KCNQ1: variants seen among roughly 807,000 people sequenced by gnomAD.
KCNQ1 encodes potassium voltage-gated channel subfamily Q member 1.
In KCNQ1, 49 loss-of-function variants were observed where a neutral mutation model predicts 72.4. That is an observed-to-expected ratio of 0.68 (90% confidence interval 0.54 to 0.86). The LOEUF (loss-of-function observed/expected upper bound fraction) is 0.86. Ranked by LOEUF, KCNQ1 falls within the 40% of genes least tolerant of loss-of-function variation. KCNQ1 has a pLI of 0.00. For missense variants in KCNQ1, 790 were observed against 945.1 expected (o/e 0.84, Z 2.15); for synonymous variants, 450 against 412.6 (o/e 1.09, Z -1.10).
At chr11:2,672,676 T>G (rs1850207887) in intron 11 of KCNQ1, 1 of 398,630 alleles carries the variant, frequency 2.5e-6, no homozygotes, top group Non-Finnish European at 4.4e-6. Flanking sequence ...CCTTGCCCAG[T>G]GGACACAGCC....
rs1269747208 is a variant in KCNQ1, at chr11:2,711,027, C to T, written c.1514+48946C>T. ...TTCTGCAAAGAAACCATCTGGGATA[C>T]CAATAGGGATTGCATTGAATCTGTA... On this transcript the variant is annotated intron_variant, in intron 11 of 15. Coordinates refer to ENST00000155840, the MANE Select transcript of KCNQ1 (RefSeq NM_000218.3). The surrounding 1 kb of genome is among the most constrained non-coding windows in gnomAD (Gnocchi z 5.4). 6.6e-6 allele frequency among the ~76,000 whole-genome samples: 1 copy of T among 152,166 alleles called. No homozygotes were observed. Among genetic ancestry groups the T allele is most frequent in the Admixed American group, 6.5e-5 (1 of 15,276 alleles).
At chr11:2,696,549 T>C (rs1481156180) in intron 11 of KCNQ1, 1 of 398,536 alleles carries the variant, frequency 2.5e-6, no homozygotes, top group African/African-American at 2.1e-5. Flanking sequence ...TTTACAAATA[T>C]TTTTCTTCCA....
At chr11:2,594,363 G>T (rs148630139) in intron 10 of KCNQ1, among the ~76,000 whole-genome samples, 475 of 152,206 alleles carry the variant, frequency 3.1e-3, no homozygotes, top group African/African-American at 0.011. Flanking sequence ...TGACTTTAGT[G>T]TTCAGAGGTT....
intron 10 of KCNQ1, chr11:2,656,343 GCA>G: frequency 2.5e-6 from 1 of 398,600 alleles, no homozygotes; most frequent in East Asian, 3.6e-5. Context: ...CTCCAAATCT[GCA>G]CATTCTTCAA....
At chr11:2,699,833 G>A in intron 11 of KCNQ1, 4 of 398,090 alleles carry the variant, frequency 1.0e-5, no homozygotes, top group Non-Finnish European at 8.9e-6. Context: ...ACGCACCGAG[G>A]AGGACCGCGC....
rs1850125057 is a variant in KCNQ1, at chr11:2,668,584, T to C, written c.1514+6503T>C. ...CTTTCCATGTTATCATTTAGTCAGA[T>C]ACATCATTCTGTATAAATTGCCTAC... On this transcript the variant is annotated intron_variant, in intron 11 of 15. Coordinates refer to ENST00000155840, the MANE Select transcript of KCNQ1 (RefSeq NM_000218.3). This position sits in a 1 kb window ranked among gnomAD's most constrained non-coding sequence, Gnocchi z 4.3. The C allele has an allele frequency of 2.5e-6, 1 of 398,516 alleles. No homozygotes were observed. Among genetic ancestry groups the C allele is most frequent in the Admixed American group, 4.4e-5 (1 of 22,720 alleles). 24.7% of individuals were successfully genotyped at this position (398,516 alleles called of 1,614,324 possible). A position where few individuals can be genotyped will look rare whatever the true frequency, so the allele number is the denominator to read the frequency against.
At chr11:2,577,419 C>A (rs901871945) in intron 6 of KCNQ1, among the ~76,000 whole-genome samples, 1 of 152,206 alleles carries the variant, frequency 6.6e-6, no homozygotes, top group South Asian at 2.1e-4. Flanking sequence ...CCTGGGCCAC[C>A]TTCCGGCAGG....
In KCNQ1 at chr11:2,728,101, A is replaced by T. The variant is rs1845796664; in HGVS notation, c.1515-40743A>T. Among the ~76,000 whole-genome samples the T allele has an allele frequency of 2.0e-5, 3 of 151,954 alleles. No homozygotes were observed. The South Asian group carries it at 6.2e-4, about 32-fold the overall frequency. On this transcript the variant is annotated intron_variant, in intron 11 of 15. Transcript: ENST00000155840. ...CTCCTCGTCCTTCAGCTCCTTCCAG[A>T]GTGTTCTTGCCCAGGGCCTTTGCAC...
intron 10 of KCNQ1, chr11:2,640,878 C>A (rs112403204): frequency 2.5e-6 from 1 of 399,542 alleles, no homozygotes; most frequent in Non-Finnish European, 4.4e-6. Flanking sequence ...CTCTCTACCT[C>A]CATGAGATCA....
intron 12 of KCNQ1, among the ~76,000 whole-genome samples, chr11:2,775,619 G>A (rs546801366): frequency 6.6e-6 from 1 of 152,312 alleles, no homozygotes; most frequent in Non-Finnish European, 1.5e-5. Context: ...CCCTTGGGGG[G>A]GCCAGCTCTT....
At chr11:2,718,128 T>C (rs1336750889) in intron 11 of KCNQ1, among the ~76,000 whole-genome samples, 1 of 152,208 alleles carries the variant, frequency 6.6e-6, no homozygotes, top group Non-Finnish European at 1.5e-5. Context: ...CTTAAACACT[T>C]TGAGGCCCTC....
chr11:2,677,145 C>T lies in KCNQ1; in HGVS notation c.1514+15064C>T, dbSNP rs959015369. ...CTGAAACATCCCTCCCTATTGAACA[C>T]TGTTGTTTCTCCCTATCCATCTTAT... On this transcript the variant is annotated intron_variant, in intron 11 of 15. Coordinates refer to ENST00000155840, the MANE Select transcript of KCNQ1 (RefSeq NM_000218.3). The surrounding 1 kb of genome is among the most constrained non-coding windows in gnomAD (Gnocchi z 4.5). 3 of 398,590 alleles carry T rather than the reference C, an allele frequency of 7.5e-6. No homozygotes were observed. Among genetic ancestry groups the T allele is most frequent in the Admixed American group, 4.4e-5 (1 of 22,734 alleles). The allele number at this position is 398,590 out of a possible 1,614,324, so 24.7% of individuals were successfully genotyped here.
intron 10 of KCNQ1, chr11:2,649,616 T>C (rs1335951552): frequency 2.5e-6 from 1 of 398,492 alleles, no homozygotes; most frequent in East Asian, 3.6e-5. Context: ...TGCAGCACTT[T>C]TAATATGGCA....
chr11:2,814,563 A>G (rs1235568368), intron 15 of KCNQ1, among the ~76,000 whole-genome samples: 1 of 149,494 alleles, frequency 6.7e-6, no homozygotes, highest in Non-Finnish European at 1.5e-5. Flanking sequence ...AATGATGGAT[A>G]GGTGGATGGG....
chr11:2,622,115 T>G (rs1273044187), intron 10 of KCNQ1: 3 of 398,256 alleles, frequency 7.5e-6, no homozygotes, highest in African/African-American at 6.2e-5. Flanking sequence ...CTGTTTTCAT[T>G]TCTTCTTTGA....
At chr11:2,776,123 C>G in intron 13 of KCNQ1, 69 bp downstream of exon 13, 2 of 1,339,848 alleles carry the variant, frequency 1.5e-6, no homozygotes, top group Non-Finnish European at 2.1e-6. Context: ...GCTGCATGAT[C>G]AGCGGTGCCG....
chr11:2,455,377 T>G lies in KCNQ1; in HGVS notation c.386+9893T>G, dbSNP rs948349827. On this transcript the variant is annotated intron_variant, in intron 1 of 15. Coordinates refer to ENST00000155840, the MANE Select transcript of KCNQ1 (RefSeq NM_000218.3). ...CCTCCCAAAGTGCTGGGATTCAGGCTTGAGCCACCGTGCCTGGCCAATCAG... is the reference window on the plus strand; with the variant it reads ...CCTCCCAAAGTGCTGGGATTCAGGCGTGAGCCACCGTGCCTGGCCAATCAG... Among the ~76,000 whole-genome samples, 31 of 152,332 alleles carry G rather than the reference T, an allele frequency of 2.0e-4. No homozygotes were observed. In the East Asian group the frequency reaches 3.9e-3, roughly 19 times the overall value.
chr11:2,842,625 C>CAGTCTCCCACACTCATACAGTGCA (rs1385692235), intron 15 of KCNQ1, among the ~76,000 whole-genome samples: 86 of 152,208 alleles, frequency 5.7e-4, no homozygotes, highest in Admixed American at 6.5e-4. Flanking sequence ...CTTGCACGCA[C>CAGTCTCCCACACTCATACAGTGCA]AGTCTCCCAC....
intron 1 of KCNQ1, among the ~76,000 whole-genome samples, chr11:2,523,823 T>C (rs1193141930): frequency 7.2e-6 from 1 of 139,664 alleles, no homozygotes; most frequent in Non-Finnish European, 1.5e-5. Context: ...TCAGCAGACC[T>C]GGGTCCTGCC....
Sources: gnomAD v4.1 joint callset for allele counts (sites outside exome capture counted in the v4.1 genomes callset) on GRCh38, gnomAD v4.1.1 for gene constraint, Gnocchi (gnomAD v3.1) non-coding constraint, MANE v1.5 for transcripts, NCBI Gene and HGNC (gene_info 2026-07-23, HGNC 2026-07-21) for gene names.